Variants in CAPS2 observed in about 807,000 individuals in gnomAD.
The protein encoded by CAPS2 is calcyphosin-2.
A neutral mutation model predicts 86.5 loss-of-function variants in CAPS2; 98 were observed. That is an observed-to-expected ratio of 1.13 (90% CI 0.96 to 1.34). The LOEUF is 1.34. Among genes scored for constraint, CAPS2 ranks in the 40% most tolerant of loss-of-function variants. The pLI, the probability that CAPS2 is intolerant of heterozygous loss-of-function variation, is 0.00. For missense variants in CAPS2, 729 were observed against 686.8 expected (o/e 1.06, Z -0.69); for synonymous variants, 210 against 225.1 (o/e 0.93, Z 0.60).
intron 1 of CAPS2, among the ~76,000 whole-genome samples, chr12:75,379,928 G>T (rs954242945): frequency 1.2e-4 from 18 of 148,812 alleles, no homozygotes; most frequent in Admixed American, 8.8e-4. Flanking sequence ...AGGTTTCCTA[G>T]AACATAAGAA....
chr12:75,349,947 T>C (rs978756606), intron 1 of CAPS2, among the ~76,000 whole-genome samples: 2 of 152,272 alleles, frequency 1.3e-5, no homozygotes, highest in African/African-American at 4.8e-5. Context: ...TTGGACTCCC[T>C]GCTGGCCAGC....
intron 12 of CAPS2, among the ~76,000 whole-genome samples, chr12:75,292,461 C>A (rs1376107896): frequency 6.6e-6 from 1 of 151,258 alleles, no homozygotes; most frequent in Non-Finnish European, 1.5e-5. Context: ...AAATGAAAAA[C>A]TATTATTTTT....
chr12:75,371,907 C>T lies in CAPS2; in HGVS notation c.-395+18931G>A, dbSNP rs544658402. ...TTGTTAGTTTCCCATTGACCTTAAT[C>T]ACAGGCATGGCAAAACTAAGAAACG... On this transcript the variant is annotated intron_variant, in intron 1 of 5. Transcript: ENST00000551829. Among the ~76,000 whole-genome samples, 24 of 152,330 alleles carry T rather than the reference C, an allele frequency of 1.6e-4. No individual in the cohort carries two copies. In the South Asian group the frequency reaches 5.0e-3, roughly 32 times the overall value.
At chr12:75,336,589 C>G (rs940551033) in intron 1 of CAPS2, among the ~76,000 whole-genome samples, 4 of 151,340 alleles carry the variant, frequency 2.6e-5, no homozygotes, top group African/African-American at 7.3e-5. Context: ...AATAAAAGGG[C>G]TAATTCAACA....
At chr12:75,277,210 C>CT (rs11349252), downstream of CAPS2, 4,362 of 839,830 alleles carry the variant, frequency 5.2e-3, no homozygotes, top group Non-Finnish European at 5.9e-3. Context: ...AGTAGCTTCC[C>CT]TTTTTTTTTT....
exon 5 of CAPS2, chr12:75,321,409 T>A: frequency 6.5e-7 from 1 of 1,534,970 alleles, no homozygotes; most frequent in South Asian, 1.2e-5. Context: ...CCTTTTCATC[T>A]ATCTTGTTTC....
chr12:75,289,593 G>T lies in CAPS2; in HGVS notation c.1395+28C>A, dbSNP rs1218436712. 3.8e-6 allele frequency: 6 copies of T among 1,581,328 alleles called. No individual in the cohort carries two copies. In the East Asian group the frequency reaches 1.1e-4, roughly 30 times the overall value. ...GCCACCTAAGAATAACATATTATCT[G>T]CTGCAGAGAATTTTCTGTAGCACAT... On this transcript the variant is annotated intron_variant, in intron 14 of 16. Transcript: ENST00000393284.
intron 5 of CAPS2, among the ~76,000 whole-genome samples, chr12:75,319,338 C>T (rs969993649): frequency 1.3e-5 from 2 of 152,044 alleles, no homozygotes; most frequent in Non-Finnish European, 2.9e-5. Flanking sequence ...CCCTTGGAGG[C>T]GAGTGAGTTT....
At chr12:75,289,555 A>G (rs2035479856) in intron 14 of CAPS2, 66 bp downstream of exon 14, 2 of 1,388,802 alleles carry the variant, frequency 1.4e-6, no homozygotes, top group South Asian at 1.4e-5. Flanking sequence ...ATTTCAGTAG[A>G]ACAGTGAATA....
Position 75,283,984 on chromosome 12 carries a change from T to C in CAPS2, c.1515+977A>G, listed in dbSNP as rs2034438617. Among the ~76,000 whole-genome samples the C allele has an allele frequency of 2.0e-5, 3 of 152,208 alleles. No individual in the cohort carries two copies. In the South Asian group the frequency reaches 6.2e-4, roughly 32 times the overall value. Reference sequence around the variant, plus strand: ...TCTAACCTCCAGAGCTATGAGACAATAAATTTCTATTATTTCAGTCATCTA... The same window carrying C: ...TCTAACCTCCAGAGCTATGAGACAACAAATTTCTATTATTTCAGTCATCTA... On this transcript the variant is annotated intron_variant, in intron 15 of 16. Transcript: ENST00000393284.
At chr12:75,290,499 T>C (rs924729704) in intron 13 of CAPS2, among the ~76,000 whole-genome samples, 2 of 152,128 alleles carry the variant, frequency 1.3e-5, no homozygotes, top group Non-Finnish European at 2.9e-5. Flanking sequence ...AATGATATAA[T>C]AAACTGTTTA....
At chr12:75,375,893 T>C (rs1163307020) in intron 1 of CAPS2, among the ~76,000 whole-genome samples, 1 of 152,204 alleles carries the variant, frequency 6.6e-6, no homozygotes, top group Non-Finnish European at 1.5e-5. Context: ...AGTTTTCCAA[T>C]TGAGTGACTG....
At chr12:75,359,228 A>T (rs1034265034) in intron 1 of CAPS2, among the ~76,000 whole-genome samples, 4 of 151,396 alleles carry the variant, frequency 2.6e-5, no homozygotes, top group Admixed American at 2.6e-4. Context: ...ATTATCTAGG[A>T]ATAGATCTGG....
intron 1 of CAPS2, among the ~76,000 whole-genome samples, chr12:75,341,029 AC>A (rs2042067218): frequency 6.6e-6 from 1 of 150,906 alleles, no homozygotes; most frequent in Admixed American, 6.6e-5. Flanking sequence ...GCAATTTCTT[AC>A]AAAAAAAAAA....
chr12:75,375,915 G>C (rs996864933), intron 1 of CAPS2, among the ~76,000 whole-genome samples: 1 of 152,206 alleles, frequency 6.6e-6, no homozygotes, highest in African/African-American at 2.4e-5. Flanking sequence ...GGTTCCCACT[G>C]TAAGATCTGG....
intron 13 of CAPS2, 79 bp downstream of exon 13, chr12:75,291,665 T>C: frequency 6.1e-6 from 3 of 494,690 alleles, no homozygotes; most frequent in Non-Finnish European, 1.0e-5. Flanking sequence ...CTGAGAAATA[T>C]CTGGGAAAAT....
chr12:75,282,140 A>C, intron 16 of CAPS2, 111 bp downstream of exon 16: 1 of 684,162 alleles, frequency 1.5e-6, no homozygotes. Context: ...TCAAAAAAAT[A>C]GTTTATTTCC....
At chr12:75,371,482 C>T in intron 1 of CAPS2, 1 of 359,166 alleles carries the variant, frequency 2.8e-6, no homozygotes, top group Non-Finnish European at 5.7e-6. Flanking sequence ...TACTTTGCAT[C>T]CTTCAATAAA....
chr12:75,309,102 G>A (rs1432548988), intron 7 of CAPS2, among the ~76,000 whole-genome samples: 1 of 152,076 alleles, frequency 6.6e-6, no homozygotes, highest in Non-Finnish European at 1.5e-5. Flanking sequence ...ATTATGGGAT[G>A]GAGATGACAC....
Sources: gnomAD v4.1 joint callset for allele counts (sites outside exome capture counted in the v4.1 genomes callset) on GRCh38, gnomAD v4.1.1 for gene constraint, MANE v1.5 for transcripts, NCBI Gene and HGNC (gene_info 2026-07-23, HGNC 2026-07-21) for gene names.